CNTN5: variants seen among roughly 807,000 people sequenced by gnomAD.
CNTN5 encodes contactin 5.
CNTN5 carries 77 observed loss-of-function variants against 129.1 expected under a neutral mutation model. That is an observed-to-expected ratio of 0.60 (90% CI 0.50 to 0.72). The LOEUF is 0.72. Ranked by LOEUF, CNTN5 falls within the 30% of genes least tolerant of loss-of-function variation. The pLI, the probability that CNTN5 is intolerant of heterozygous loss-of-function variation, is 0.00. For missense variants in CNTN5, 1,478 were observed against 1,328.8 expected, an observed-to-expected ratio of 1.11 and a Z score of -1.75; for synonymous variants, 509 against 465.6, an observed-to-expected ratio of 1.09 and a Z score of -1.20.
In CNTN5 at chr11:99,506,760, G is replaced by A. The variant is rs1946637539; in HGVS notation, c.-70-49385G>A. Among the ~76,000 whole-genome samples, 5 of 152,192 alleles carry A rather than the reference G, an allele frequency of 3.3e-5. No homozygotes were observed. The South Asian group carries it at 1.0e-3, about 32-fold the overall frequency. On this transcript the variant is annotated intron_variant, in intron 2 of 24. Coordinates refer to ENST00000524871, the MANE Select transcript of CNTN5 (RefSeq NM_014361.4). ...GTCTGTTTACTTCATAGTAGTAATTGTAGGAATATATTTCAAGAAAGTAAA... is the reference window on the plus strand; with the variant it reads ...GTCTGTTTACTTCATAGTAGTAATTATAGGAATATATTTCAAGAAAGTAAA...
intron 2 of CNTN5, among the ~76,000 whole-genome samples, chr11:99,369,651 A>G (rs1334460097): frequency 6.6e-6 from 1 of 152,260 alleles, no homozygotes; most frequent in South Asian, 2.1e-4. Flanking sequence ...ATTAAAATAC[A>G]CCAAAGTAAT....
chr11:99,792,372 T>C (rs933998763), intron 3 of CNTN5, among the ~76,000 whole-genome samples: 7 of 152,150 alleles, frequency 4.6e-5, no homozygotes, highest in Non-Finnish European at 7.4e-5. Flanking sequence ...TTGTTTTTAG[T>C]TCCTTTTTTG....
At chr11:99,463,977 A>G (rs1013816335) in intron 2 of CNTN5, among the ~76,000 whole-genome samples, 2 of 152,236 alleles carry the variant, frequency 1.3e-5, no homozygotes, top group African/African-American at 2.4e-5. Flanking sequence ...AAGTAAAACT[A>G]TACCCTATAC....
chr11:99,177,279 CTATT>C (rs1002714433), intron 1 of CNTN5, among the ~76,000 whole-genome samples: 81 of 152,116 alleles, frequency 5.3e-4, no homozygotes, highest in African/African-American at 1.9e-3. Context: ...TCTAAATATG[CTATT>C]TATTTATTTG....
chr11:99,760,882 CAG>C (rs1465491533), intron 3 of CNTN5, among the ~76,000 whole-genome samples: 1 of 152,046 alleles, frequency 6.6e-6, no homozygotes, highest in African/African-American at 2.4e-5. Flanking sequence ...AACTTGGCAA[CAG>C]ACACCTGAGA....
At chr11:100,281,170 A>C (rs1044961947) in intron 18 of CNTN5, among the ~76,000 whole-genome samples, 8 of 152,098 alleles carry the variant, frequency 5.3e-5, no homozygotes, top group Non-Finnish European at 1.2e-4. Context: ...CTGTGTACTT[A>C]CTATTACCAA....
At chr11:100,324,458 A>G (rs969491111) in intron 21 of CNTN5, among the ~76,000 whole-genome samples, 1 of 152,156 alleles carries the variant, frequency 6.6e-6, no homozygotes, top group African/African-American at 2.4e-5. Context: ...TTCTCTGGCT[A>G]TAATAATCAA....
At chr11:99,187,862 A>AAACC (rs1369774770) in intron 1 of CNTN5, among the ~76,000 whole-genome samples, 1 of 150,872 alleles carries the variant, frequency 6.6e-6, no homozygotes, top group Non-Finnish European at 1.5e-5. Context: ...TGAGAGTCAG[A>AAACC]AACCACATAG....
chr11:99,940,869 G>A (rs981941194), intron 7 of CNTN5, among the ~76,000 whole-genome samples: 2 of 151,880 alleles, frequency 1.3e-5, no homozygotes, highest in East Asian at 3.9e-4. Flanking sequence ...TAAGTTAAAA[G>A]TAATGCAAAA....
chr11:99,272,112 A>G (rs1348305796), intron 1 of CNTN5, among the ~76,000 whole-genome samples: 1 of 151,848 alleles, frequency 6.6e-6, no homozygotes, highest in Non-Finnish European at 1.5e-5. Context: ...TAATTAGTCG[A>G]TTTGTTCACA....
intron 3 of CNTN5, among the ~76,000 whole-genome samples, chr11:99,728,859 A>T (rs1297925625): frequency 6.6e-6 from 1 of 152,202 alleles, no homozygotes; most frequent in Non-Finnish European, 1.5e-5. Flanking sequence ...TTTTGAGCAT[A>T]CAGTAGAGCC....
At chr11:100,134,087 T>TAA (rs1188868392) in intron 13 of CNTN5, among the ~76,000 whole-genome samples, 1 of 152,136 alleles carries the variant, frequency 6.6e-6, no homozygotes, top group African/African-American at 2.4e-5. Context: ...ATGATATCTT[T>TAA]AAACTCCTTA....
intron 1 of CNTN5, among the ~76,000 whole-genome samples, chr11:99,239,366 A>G (rs148851676): frequency 3.0e-4 from 46 of 152,284 alleles, no homozygotes; most frequent in African/African-American, 8.2e-4. Context: ...GTATGTTTTC[A>G]TTATGGATCA....
intron 6 of CNTN5, among the ~76,000 whole-genome samples, chr11:99,879,594 GT>G (rs150022298): frequency 4.6e-5 from 7 of 151,694 alleles, no homozygotes; most frequent in Non-Finnish European, 8.8e-5. Context: ...TTGAGTTTGG[GT>G]TTTTTTTCTG....
chr11:100,228,688 G>A (rs181151177), intron 16 of CNTN5, among the ~76,000 whole-genome samples: 30 of 152,138 alleles, frequency 2.0e-4, no homozygotes, highest in African/African-American at 7.0e-4. Flanking sequence ...GCTCTGTGTC[G>A]GGCACTGAAG....
intron 1 of CNTN5, among the ~76,000 whole-genome samples, chr11:99,108,687 A>G (rs1244517974): frequency 6.6e-6 from 1 of 152,154 alleles, no homozygotes; most frequent in Admixed American, 6.6e-5. Context: ...TGACTTAAGT[A>G]AAGCTTTCTG....
At chr11:99,781,289 A>G (rs138653000) in intron 3 of CNTN5, among the ~76,000 whole-genome samples, 2 of 152,162 alleles carry the variant, frequency 1.3e-5, no homozygotes, top group East Asian at 3.9e-4. Context: ...GTATTGCTCA[A>G]CTCAACAGTG....
chr11:99,514,685 C>T (rs975272974), intron 2 of CNTN5, among the ~76,000 whole-genome samples: 8 of 151,998 alleles, frequency 5.3e-5, no homozygotes, highest in African/African-American at 1.4e-4. Flanking sequence ...GAGGTATATA[C>T]GTTGTTTTTT....
intron 1 of CNTN5, among the ~76,000 whole-genome samples, chr11:99,273,801 T>C (rs1591453685): frequency 6.6e-6 from 1 of 151,710 alleles, no homozygotes; most frequent in East Asian, 1.9e-4. Flanking sequence ...ACTTATGATT[T>C]TTTTTTTGAA....
Sources: gnomAD v4.1 joint callset for allele counts (sites outside exome capture counted in the v4.1 genomes callset) on GRCh38, gnomAD v4.1.1 for gene constraint, MANE v1.5 for transcripts, NCBI Gene and HGNC (gene_info 2026-07-23, HGNC 2026-07-21) for gene names.